The following CTTN variants were observed in gnomAD, a reference collection of about 807,000 sequenced individuals.
The protein encoded by CTTN is cortactin.
A neutral mutation model predicts 84.0 loss-of-function variants in CTTN; 28 were observed. The ratio of observed to expected loss-of-function variants is 0.33; its 90% confidence interval spans 0.25 to 0.46. The LOEUF is 0.46. CTTN is among the 20% of genes least tolerant of loss of function. CTTN has a pLI of 1.00. For missense variants in CTTN, 641 were observed against 723.8 expected (o/e 0.89, Z 1.31); for synonymous variants, 301 against 288.8 (o/e 1.04, Z -0.43).
chr11:70,434,014 T>G (rs538025355), intron 17 of CTTN, among the ~76,000 whole-genome samples: 1 of 152,210 alleles, frequency 6.6e-6, no homozygotes, highest in South Asian at 2.1e-4. Context: ...TTTCCCAAGA[T>G]CAAAGATGCT....
At position 70,435,209 on chromosome 11, in the gene CTTN, A is replaced by T. The variant is rs1221877237; in HGVS notation, c.*47A>T. 1 of 1,509,794 alleles carries T rather than the reference A, an allele frequency of 6.6e-7. No homozygotes were observed. Among genetic ancestry groups the T allele is most frequent in the Non-Finnish European group, 8.8e-7 (1 of 1,141,890 alleles). 93.5% of individuals were successfully genotyped at this position (1,509,794 alleles called of 1,614,324 possible). On this transcript the variant is annotated 3_prime_UTR_variant, in exon 18 of 18. Coordinates refer to ENST00000301843, the MANE Select transcript of CTTN (RefSeq NM_005231.4). Reference sequence around the variant, plus strand: ...GCTGCGCCCTGGATCCTCACACTACAGATCAGGCCTTCTTTGGTTCTTGGG... The same window carrying T: ...GCTGCGCCCTGGATCCTCACACTACTGATCAGGCCTTCTTTGGTTCTTGGG...
chr11:70,434,127 G>A (rs553451331), intron 17 of CTTN, among the ~76,000 whole-genome samples: 1 of 152,326 alleles, frequency 6.6e-6, no homozygotes, highest in South Asian at 2.1e-4. Context: ...CAGCTCCCGT[G>A]TGGCCTGCAC....
At chr11:70,432,450 C>T (rs1300965128) in intron 15 of CTTN, among the ~76,000 whole-genome samples, 1 of 152,248 alleles carries the variant, frequency 6.6e-6, no homozygotes, top group East Asian at 1.9e-4. Context: ...TGCTTTCTTT[C>T]AGTCACTGCC....
rs543024609 is a variant in CTTN, at chr11:70,417,948, T to C, written c.568+825T>C. On this transcript the variant is annotated intron_variant, in intron 8 of 17. Transcript: ENST00000301843. ...GCCAAGTTGTCCTTGGAGGCTGTGC[T>C]GAGTTCTTCCTTCCCCACTGCATAG... Among the ~76,000 whole-genome samples, 4 of 152,358 alleles carry C rather than the reference T, an allele frequency of 2.6e-5. No individual in the cohort carries two copies. The South Asian group carries it at 8.3e-4, about 32-fold the overall frequency.
At chr11:70,415,748 C>T (rs1224824376) in intron 7 of CTTN, 31 bp downstream of exon 7, 7 of 1,612,136 alleles carry the variant, frequency 4.3e-6, no homozygotes, top group Non-Finnish European at 5.9e-6. Context: ...AAAGAGCCCG[C>T]TCCGGGGGCC....
intron 7 of CTTN, 65 bp downstream of exon 7, chr11:70,415,782 C>T: frequency 2.0e-6 from 3 of 1,526,454 alleles, no homozygotes; most frequent in Non-Finnish European, 1.8e-6. Flanking sequence ...TCACAGCCAC[C>T]TGAAGCCGTT....
intron 1 of CTTN, among the ~76,000 whole-genome samples, chr11:70,402,160 A>G (rs2057993470): frequency 6.6e-6 from 1 of 152,208 alleles, no homozygotes; most frequent in Non-Finnish European, 1.5e-5. Flanking sequence ...GAAAAAGAAA[A>G]AAAAAGTTAT....
At chr11:70,421,915 T>G (rs958175881) in intron 11 of CTTN, 6 of 291,928 alleles carry the variant, frequency 2.1e-5, no homozygotes, top group African/African-American at 4.3e-5. Flanking sequence ...GTTCTGCTGT[T>G]ATTGGTGACT....
At chr11:70,433,345 T>C in intron 16 of CTTN, 67 bp downstream of exon 16, 1 of 1,471,806 alleles carries the variant, frequency 6.8e-7, no homozygotes, top group Non-Finnish European at 9.1e-7. Context: ...CTGCTCGACC[T>C]GTGGCGTCGT....
chr11:70,423,095 C>A, intron 12 of CTTN, 100 bp downstream of exon 12: 1 of 1,395,162 alleles, frequency 7.2e-7, no homozygotes, highest in East Asian at 2.3e-5. Context: ...TGGGGTGGGG[C>A]ACAAGTGATT....
chr11:70,407,369 C>G lies in CTTN; in HGVS notation c.72C>G (p.Thr24=). The G allele has an allele frequency of 7.6e-6, 12 of 1,588,836 alleles. No homozygotes were observed. Among genetic ancestry groups the G allele is most frequent in the Non-Finnish European group, 1.0e-5 (12 of 1,167,212 alleles). The part of the protein sequence containing the change: ...QDDAGADDWE[T]DPDFVNDVSE... ...ACGCGGGGGCCGATGACTGGGAGAC[C>G]GACCCTGATTTTGTGGTAGGAGCCG... The change falls in exon 3 of 18, where the codon ACC becomes ACG. Residue 24 remains threonine (T), a synonymous_variant. Coordinates refer to ENST00000301843, the MANE Select transcript of CTTN (RefSeq NM_005231.4).
In CTTN at chr11:70,407,536, G is replaced by C; in HGVS notation, c.106G>C (p.Glu36Gln). Residue 36 changes from glutamate (E) to glutamine (Q), a missense_variant, in exon 4 of 18, where the codon GAG (glutamate) becomes CAG (glutamine). Glu to Gln is a conservative substitution (Grantham distance 29). Transcript: ENST00000301843. ...TTTTCAGAATGATGTGAGTGAGAAG[G>C]AGCAAAGATGGGGTGCCAAGACGGT... ...PDFVNDVSEKEQRWGAKTVQG... is the reference protein window; with the variant it reads ...PDFVNDVSEKQQRWGAKTVQG... The C allele has an allele frequency of 1.2e-6, 2 of 1,614,084 alleles. No individual in the cohort carries two copies. The highest frequency in any genetic ancestry group is 1.7e-6 in the Non-Finnish European group (2 of 1,180,034).
At chr11:70,424,301 T>C (rs984154394) in intron 12 of CTTN, among the ~76,000 whole-genome samples, 2 of 151,888 alleles carry the variant, frequency 1.3e-5, no homozygotes, top group Admixed American at 6.6e-5. Context: ...CTGCCTGTGT[T>C]GTGGGTGTCT....
At chr11:70,411,799 C>T (rs191372101) in intron 5 of CTTN, among the ~76,000 whole-genome samples, 1 of 152,210 alleles carries the variant, frequency 6.6e-6, no homozygotes, top group Non-Finnish European at 1.5e-5. Context: ...TGTGCGGTCT[C>T]CACAGCAGCC....
intron 6 of CTTN, among the ~76,000 whole-genome samples, chr11:70,414,891 T>C (rs1184012428): frequency 6.6e-6 from 1 of 152,180 alleles, no homozygotes; most frequent in Non-Finnish European, 1.5e-5. Flanking sequence ...CGTGCCTCAG[T>C]ACTGGATGGC....
chr11:70,409,780 G>A lies in CTTN; in HGVS notation c.162-51G>A, dbSNP rs775216501. On this transcript the variant is annotated intron_variant, in intron 4 of 17. Coordinates refer to ENST00000301843, the MANE Select transcript of CTTN (RefSeq NM_005231.4). ...CTTATTTATCATACCAGGAGGCAAAGCTGCACGTCTGTTTTATTGATCTGT... is the reference window on the plus strand; with the variant it reads ...CTTATTTATCATACCAGGAGGCAAAACTGCACGTCTGTTTTATTGATCTGT... 8.2e-6 allele frequency: 13 copies of A among 1,593,484 alleles called. No homozygotes were observed. In the South Asian group the frequency reaches 1.2e-4, roughly 15 times the overall value.
Position 70,433,228 on chromosome 11 carries a change from C to CCACAGAGGCTGTCTATGAAAG in CTTN, c.1396_1416dup (p.Thr466_Ser472dup). The CCACAGAGGCTGTCTATGAAAG allele has an allele frequency of 2.5e-6, 4 of 1,613,282 alleles. No homozygotes were observed. The highest frequency in any genetic ancestry group is 3.4e-6 in the Non-Finnish European group (4 of 1,179,952). Reference sequence around the variant, plus strand: ...AGCAGCCAGCAGGGCCTGGCCTATGCCACAGAGGCTGTCTATGAAAGCGCA... The same window carrying CCACAGAGGCTGTCTATGAAAG: ...AGCAGCCAGCAGGGCCTGGCCTATGCCACAGAGGCTGTCTATGAAAGCACAGAGGCTGTCTATGAAAGCGCA... On this transcript the variant is annotated inframe_insertion, in exon 16 of 18. Coordinates refer to ENST00000301843, the MANE Select transcript of CTTN (RefSeq NM_005231.4).
chr11:70,429,631 C>G (rs1234922201), intron 14 of CTTN, among the ~76,000 whole-genome samples: 1 of 152,124 alleles, frequency 6.6e-6, no homozygotes, highest in Non-Finnish European at 1.5e-5. Flanking sequence ...AGGCAGCCTG[C>G]TCTCGGGGCC....
intron 15 of CTTN, among the ~76,000 whole-genome samples, chr11:70,432,408 C>T (rs1203620469): frequency 6.6e-6 from 1 of 152,232 alleles, no homozygotes; most frequent in Non-Finnish European, 1.5e-5. Context: ...CTTCCCAGAT[C>T]TCCTGGGTGC....
Sources: gnomAD v4.1 joint callset for allele counts (sites outside exome capture counted in the v4.1 genomes callset) on GRCh38, gnomAD v4.1.1 for gene constraint, MANE v1.5 for transcripts, NCBI Gene and HGNC (gene_info 2026-07-23, HGNC 2026-07-21) for gene names.